BICD2: variants seen among roughly 807,000 people sequenced by gnomAD.
BICD2 encodes the protein protein bicaudal D homolog 2.
In BICD2, 25 loss-of-function variants were observed where a neutral mutation model predicts 72.9. The observed-to-expected ratio is 0.34, with a 90% CI of 0.25 to 0.48. The LOEUF is 0.48. Ranked by LOEUF, BICD2 falls within the 20% of genes least tolerant of loss-of-function variation. BICD2 has a pLI of 0.99. For synonymous variants in BICD2, 501 were observed against 516.1 expected (o/e 0.97, Z 0.40); for missense variants, 894 against 1,175.2 (o/e 0.76, Z 3.50).
chr9:92,758,398 A>C (rs1854305736), intron 1 of BICD2, among the ~76,000 whole-genome samples: 1 of 149,830 alleles, frequency 6.7e-6, no homozygotes, highest in Non-Finnish European at 1.5e-5. Context: ...CTAAAAATAC[A>C]AAAATTAGCC....
In BICD2 at chr9:92,720,444, G is replaced by A. The variant is rs540280844; in HGVS notation, c.918C>T (p.Gly306=). The part of the protein sequence containing the change: ...AEALVNGFEH[G]GLAKLPLDNK... Reference sequence around the variant, plus strand: ...TGTCCAGTGGCAGCTTGGCCAGGCCGCCGTGCTCAAAGCCATTGACCAGGG... The same window carrying A: ...TGTCCAGTGGCAGCTTGGCCAGGCCACCGTGCTCAAAGCCATTGACCAGGG... The change falls in exon 4 of 7, where the codon GGC becomes GGT. Residue 306 remains glycine (G), a synonymous_variant. Coordinates refer to ENST00000356884, the MANE Select transcript of BICD2 (RefSeq NM_001003800.2). This position sits in a 1 kb window ranked among gnomAD's most constrained non-coding sequence, Gnocchi z 5.4. The A allele has an allele frequency of 8.7e-6, 14 of 1,614,150 alleles. No individual in the cohort carries two copies. The highest frequency in any genetic ancestry group is 3.3e-5 in the Admixed American group (2 of 60,024).
chr9:92,728,595 T>C (rs1318825298), intron 2 of BICD2, among the ~76,000 whole-genome samples: 1 of 151,956 alleles, frequency 6.6e-6, no homozygotes, highest in Non-Finnish European at 1.5e-5. Flanking sequence ...ATATTTGGGG[T>C]TTGTGTTCTT....
chr9:92,723,865 C>T (rs1853512853), intron 2 of BICD2, among the ~76,000 whole-genome samples: 1 of 152,140 alleles, frequency 6.6e-6, no homozygotes, highest in Non-Finnish European at 1.5e-5. Context: ...GCCCCTCAGC[C>T]GCAGCCCTAG....
In BICD2 at chr9:92,764,178, C is replaced by T. The variant is rs866171585; in HGVS notation, c.240+327G>A. 2.0e-5 allele frequency among the ~76,000 whole-genome samples: 3 copies of T among 151,780 alleles called. No individual in the cohort carries two copies. The highest frequency in any genetic ancestry group is 4.4e-5 in the Non-Finnish European group (3 of 67,856). ...ACCCCACCCCACACTCAGACACACC[C>T]GGAACAGCGACCACCGCAAAGCATC... is the stretch of plus-strand genomic sequence containing the variant. On this transcript the variant is annotated intron_variant, in intron 1 of 6. Transcript: ENST00000356884. This position sits in a 1 kb window ranked among gnomAD's most constrained non-coding sequence, Gnocchi z 5.5.
chr9:92,736,153 G>A (rs542020757), intron 1 of BICD2, among the ~76,000 whole-genome samples: 1 of 152,186 alleles, frequency 6.6e-6, no homozygotes, highest in African/African-American at 2.4e-5. Flanking sequence ...AGGTCATAAA[G>A]ACATAAAACA....
At chr9:92,755,128 G>GC (rs1202962186) in intron 1 of BICD2, among the ~76,000 whole-genome samples, 1 of 152,260 alleles carries the variant, frequency 6.6e-6, no homozygotes, top group Admixed American at 6.5e-5. Flanking sequence ...CTCTGAACTG[G>GC]CCCCCCTGGG....
At chr9:92,733,120 C>T (rs1351954128) in intron 1 of BICD2, among the ~76,000 whole-genome samples, 1 of 152,164 alleles carries the variant, frequency 6.6e-6, no homozygotes, top group African/African-American at 2.4e-5. Flanking sequence ...GTGATCAAAA[C>T]AATGTGGTAC....
chr9:92,721,478 C>G (rs1008419538), intron 3 of BICD2, among the ~76,000 whole-genome samples: 5 of 152,220 alleles, frequency 3.3e-5, no homozygotes, highest in Admixed American at 1.3e-4. Flanking sequence ...GATGTGGAGG[C>G]TCAGAATTTG....
At chr9:92,745,255 G>A (rs964457762) in intron 1 of BICD2, among the ~76,000 whole-genome samples, 10 of 152,120 alleles carry the variant, frequency 6.6e-5, no homozygotes, top group Admixed American at 1.3e-4. Context: ...AAACAGAGTC[G>A]CAGGGCACAC....
intron 1 of BICD2, among the ~76,000 whole-genome samples, chr9:92,758,021 T>A (rs1854296471): frequency 6.6e-6 from 1 of 151,454 alleles, no homozygotes; most frequent in Non-Finnish European, 1.5e-5. Context: ...CTGACCAACA[T>A]GGTGAAACCT....
At chr9:92,748,005 T>G (rs531417977) in intron 1 of BICD2, among the ~76,000 whole-genome samples, 1 of 152,282 alleles carries the variant, frequency 6.6e-6, no homozygotes, top group African/African-American at 2.4e-5. Context: ...GCTGCATATG[T>G]ATGAATATGT....
intron 1 of BICD2, among the ~76,000 whole-genome samples, chr9:92,752,469 T>C (rs1413513066): frequency 6.6e-6 from 1 of 152,128 alleles, no homozygotes; most frequent in African/African-American, 2.4e-5. Flanking sequence ...ACCCAAAGTA[T>C]AAAATAAACT....
At chr9:92,735,370 G>A (rs759129717) in intron 1 of BICD2, among the ~76,000 whole-genome samples, 20 of 152,130 alleles carry the variant, frequency 1.3e-4, no homozygotes, top group Non-Finnish European at 1.5e-4. Context: ...GGGGATGGGC[G>A]GGGTAAGCTC....
In BICD2 at chr9:92,719,257, C is replaced by T. The variant is rs745500617; in HGVS notation, c.1388G>A (p.Arg463His). 2.0e-5 allele frequency: 32 copies of T among 1,613,174 alleles called. No individual in the cohort carries two copies. Among genetic ancestry groups the T allele is most frequent in the Middle Eastern group, 1.6e-4 (1 of 6,084 alleles). ...CTTCTCCTCGGCGTGCTGGGCCTCA[C>T]GAGCCTCGTGCGTGCTGCGCAGTGC... is the stretch of plus-strand genomic sequence containing the variant. ...LKALRSTHEA[R>H]EAQHAEEKGR... The change falls in exon 5 of 7, where the codon CGT becomes CAT. Residue 463 changes from arginine (R) to histidine (H), a missense_variant. Around this residue, in one of 5 missense-constraint regions of BICD2, gnomAD observed 371 missense variants for 439.1 expected, o/e 0.84. Transcript: ENST00000356884.
chr9:92,716,288 G>A (rs1244923656), intron 6 of BICD2, among the ~76,000 whole-genome samples: 1 of 152,106 alleles, frequency 6.6e-6, no homozygotes, highest in East Asian at 1.9e-4. Context: ...TGTGATCCCT[G>A]CAGATTCAAA....
At chr9:92,759,163 G>A (rs1196123669) in intron 1 of BICD2, among the ~76,000 whole-genome samples, 2 of 152,090 alleles carry the variant, frequency 1.3e-5, no homozygotes, top group East Asian at 3.9e-4. Flanking sequence ...AATTAAACCT[G>A]CTTTTATGTA....
At position 92,711,769 on chromosome 9, in the gene BICD2, G is replaced by T. The variant is rs1853199379; in HGVS notation, c.*3385C>A. 6.6e-6 allele frequency: 1 copy of T among 152,488 alleles called. No homozygotes were observed. The highest frequency in any genetic ancestry group is 2.1e-4 in the South Asian group (1 of 4,816). 9.4% of individuals were successfully genotyped at this position (152,488 alleles called of 1,614,324 possible). A position where few individuals can be genotyped will look rare whatever the true frequency, so the allele number is the denominator to read the frequency against. ...AACACTGTAACGGAAGGTAAAAATA[G>T]GAGTCCCTACAACTAGGAATAAGAA... On this transcript the variant is annotated 3_prime_UTR_variant, in exon 7 of 7. Coordinates refer to ENST00000356884, the MANE Select transcript of BICD2 (RefSeq NM_001003800.2).
chr9:92,716,497 C>T (rs542469451), intron 6 of BICD2, among the ~76,000 whole-genome samples: 11 of 150,690 alleles, frequency 7.3e-5, no homozygotes, highest in African/African-American at 2.4e-4. Context: ...TGGGAGTGCA[C>T]GGCACCAGGC....
rs375629459 is a variant in BICD2 at position 92,756,325 on chromosome 9, G to A, written c.240+8180C>T. ...TGCCCAGGCTGGAGTGCAGTGGCAC[G>A]ATCTCGGCTCACTGCAAGCTCCGCC... On this transcript the variant is annotated intron_variant, in intron 1 of 6. Transcript: ENST00000356884. Among the ~76,000 whole-genome samples the A allele has an allele frequency of 4.8e-4, 73 of 151,410 alleles. No homozygotes were observed. In the East Asian group the frequency reaches 0.012, roughly 25 times the overall value.
Sources: gnomAD v4.1 joint callset for allele counts (sites outside exome capture counted in the v4.1 genomes callset) on GRCh38, gnomAD v4.1.1 for gene constraint, gnomAD v4.1.1 regional missense constraint, Gnocchi (gnomAD v3.1) non-coding constraint, MANE v1.5 for transcripts, NCBI Gene and HGNC (gene_info 2026-07-23, HGNC 2026-07-21) for gene names.